BDKRB2: variants seen among roughly 807,000 people sequenced by gnomAD.
BDKRB2 encodes the protein B2 bradykinin receptor.
In BDKRB2, 6 loss-of-function variants were observed where a neutral mutation model predicts 4.0. The ratio of observed to expected loss-of-function variants is 1.49; its 90% CI spans 0.81 to 2.93. The LOEUF is 2.93. Among genes scored for constraint, BDKRB2 ranks in the 30% most tolerant of loss-of-function variants. The pLI, the probability that BDKRB2 is intolerant of heterozygous loss-of-function variation, is 0.00. For synonymous variants in BDKRB2, 225 were observed against 215.3 expected, an observed-to-expected ratio of 1.05 and a Z score of -0.40; for missense variants, 478 against 520.1, an observed-to-expected ratio of 0.92 and a Z score of 0.79.
chr14:96,223,810 T>C (rs1486661413), intron 1 of BDKRB2, among the ~76,000 whole-genome samples: 1 of 151,428 alleles, frequency 6.6e-6, no homozygotes, highest in Non-Finnish European at 1.5e-5. Context: ...AAGGAAGTTT[T>C]TATAATCTAA....
chr14:96,231,111 GT>G (rs1890809451), intron 1 of BDKRB2, among the ~76,000 whole-genome samples: 1 of 152,300 alleles, frequency 6.6e-6, no homozygotes, highest in South Asian at 2.1e-4. Flanking sequence ...AATAAAATAA[GT>G]TCCGGGGTAT....
chr14:96,221,882 T>G (rs904416905), intron 1 of BDKRB2, among the ~76,000 whole-genome samples: 3 of 151,944 alleles, frequency 2.0e-5, no homozygotes, highest in African/African-American at 7.3e-5. Flanking sequence ...CACTCAATCC[T>G]TTCGATGCCA....
At chr14:96,210,524 CAG>C (rs1178612776) in intron 1 of BDKRB2, among the ~76,000 whole-genome samples, 6 of 152,154 alleles carry the variant, frequency 3.9e-5, no homozygotes, top group Admixed American at 1.3e-4. Flanking sequence ...GCTTGGATTG[CAG>C]ACCTCAAGTT....
At chr14:96,216,452 A>G (rs1278596410) in intron 1 of BDKRB2, among the ~76,000 whole-genome samples, 1 of 151,502 alleles carries the variant, frequency 6.6e-6, no homozygotes, top group Non-Finnish European at 1.5e-5. Context: ...GCAAGATCCC[A>G]TCTTTAAAAA....
chr14:96,237,213 T>A (rs1309205035), intron 2 of BDKRB2, 32 bp downstream of exon 2: 2 of 1,585,096 alleles, frequency 1.3e-6, no homozygotes, highest in Admixed American at 1.7e-5. Flanking sequence ...GTTCACTAGT[T>A]AGGGGAGGTG....
At chr14:96,217,742 G>A (rs1595251005) in intron 1 of BDKRB2, among the ~76,000 whole-genome samples, 1 of 133,924 alleles carries the variant, frequency 7.5e-6, no homozygotes, top group Non-Finnish European at 1.8e-5. Flanking sequence ...GGAGCCCCGA[G>A]GCAGGGACAG....
chr14:96,213,564 C>T (rs1370544746), intron 1 of BDKRB2, among the ~76,000 whole-genome samples: 3 of 152,000 alleles, frequency 2.0e-5, no homozygotes, highest in Non-Finnish European at 4.4e-5. Context: ...TCTTTGCTGC[C>T]TGCATGTCCT....
At chr14:96,231,644 G>T (rs570460499) in intron 1 of BDKRB2, among the ~76,000 whole-genome samples, 1 of 152,192 alleles carries the variant, frequency 6.6e-6, no homozygotes, top group Non-Finnish European at 1.5e-5. Flanking sequence ...GGAGATCTTG[G>T]TTCTTTCTAG....
chr14:96,216,437 C>T (rs1049964011), intron 1 of BDKRB2, among the ~76,000 whole-genome samples: 1 of 151,874 alleles, frequency 6.6e-6, no homozygotes, highest in Admixed American at 6.6e-5. Flanking sequence ...TCGAGACAAG[C>T]CTGGGCAAGA....
chr14:96,227,529 G>A (rs78033973), intron 1 of BDKRB2, among the ~76,000 whole-genome samples: 4,960 of 152,152 alleles, frequency 0.033, 178 homozygotes, highest in East Asian at 0.16. Context: ...ATGTATGCAC[G>A]CACACGTGTA....
At chr14:96,238,435 T>A (rs1365112145) in intron 2 of BDKRB2, 23 of 981,278 alleles carry the variant, frequency 2.3e-5, no homozygotes, top group Non-Finnish European at 2.7e-5. Context: ...AAATGAAGAA[T>A]ATCAAGTAAT....
intron 1 of BDKRB2, among the ~76,000 whole-genome samples, chr14:96,210,386 C>A (rs1403637131): frequency 6.6e-6 from 1 of 152,074 alleles, no homozygotes; most frequent in Non-Finnish European, 1.5e-5. Flanking sequence ...GTGGAGAAAG[C>A]ATGTAGGAAG....
intron 1 of BDKRB2, among the ~76,000 whole-genome samples, chr14:96,212,413 GTTCAA>G (rs1192531260): frequency 6.6e-6 from 1 of 151,802 alleles, no homozygotes; most frequent in African/African-American, 2.4e-5. Context: ...AAAAAAAACT[GTTCAA>G]TTCAATAAAC....
In BDKRB2 at chr14:96,240,985, C is replaced by T; in HGVS notation, c.657C>T (p.Ile219=). The T allele has an allele frequency of 6.3e-7, 1 of 1,597,980 alleles. No individual in the cohort carries two copies. The highest frequency in any genetic ancestry group is 8.6e-7 in the Non-Finnish European group (1 of 1,169,484). The change falls in exon 3 of 3, where the codon ATC becomes ATT. Residue 219 remains isoleucine (I), a synonymous_variant. Coordinates refer to ENST00000554311, the MANE Select transcript of BDKRB2 (RefSeq NM_001379692.1). ...GTGTCATCAGCTACCCATCCCTCAT[C>T]TGGGAAGTGTTCACCAACATGCTCC... The part of the protein sequence containing the change: ...TACVISYPSL[I]WEVFTNMLLN...
intron 1 of BDKRB2, chr14:96,233,565 T>C (rs1338557655): frequency 1.3e-5 from 2 of 152,214 alleles, no homozygotes; most frequent in African/African-American, 4.8e-5. Flanking sequence ...TCTTGGATTC[T>C]TTCCACTTAA....
intron 1 of BDKRB2, among the ~76,000 whole-genome samples, chr14:96,235,426 G>C (rs1209632721): frequency 1.3e-5 from 2 of 150,444 alleles, no homozygotes; most frequent in African/African-American, 4.9e-5. Flanking sequence ...CTTTCTATGA[G>C]CCCAGGAGGG....
At chr14:96,237,009 G>A in intron 1 of BDKRB2, 60 bp from the exon 2 acceptor site, 1 of 967,128 alleles carries the variant, frequency 1.0e-6, no homozygotes, top group Non-Finnish European at 1.7e-6. Flanking sequence ...GCTGGAGAAT[G>A]CGTGTATTTT....
chr14:96,227,684 AACACACACATGCACACAC>A, intron 1 of BDKRB2, among the ~76,000 whole-genome samples: 1 of 151,426 alleles, frequency 6.6e-6, no homozygotes, highest in East Asian at 1.9e-4. Flanking sequence ...TGTGCACACA[AACACACACATGCACACAC>A]ACACACAAAT....
Position 96,243,794 on chromosome 14 carries a change from T to TTTAGTA in BDKRB2, c.*2301_*2306dup, listed in dbSNP as rs1885366650. ...CAGGTGAAAGAAGAAGTAAAAACCA[T>TTTAGTA]TTAGTATTAGTATTAGAATGAAGTC... On this transcript the variant is annotated 3_prime_UTR_variant, in exon 3 of 3. Transcript: ENST00000554311. 5.8e-6 allele frequency: 1 copy of TTTAGTA among 173,074 alleles called. No individual in the cohort carries two copies. Among genetic ancestry groups the TTTAGTA allele is most frequent in the Non-Finnish European group, 1.2e-5 (1 of 82,564 alleles). The allele number at this position is 173,074 out of a possible 1,614,324, so 10.7% of individuals were successfully genotyped here.
Sources: allele counts gnomAD v4.1 joint callset (sites outside exome capture counted in the v4.1 genomes callset), GRCh38; gene constraint gnomAD v4.1.1; transcripts MANE v1.5; gene names NCBI Gene and HGNC (gene_info 2026-07-23, HGNC 2026-07-21).